The following CDH12 variants were observed in gnomAD, a reference collection of about 807,000 sequenced individuals.
CDH12 encodes the protein cadherin-12.
In CDH12, 41 loss-of-function variants were observed where a neutral mutation model predicts 74.1. The ratio of observed to expected loss-of-function variants is 0.55; its 90% CI spans 0.43 to 0.72. The LOEUF is 0.72. Among genes scored for constraint, CDH12 ranks in the 30% least tolerant of loss-of-function variants. CDH12 has a pLI of 0.00. For synonymous variants in CDH12, 399 were observed against 355.0 expected (o/e 1.12, Z -1.39); for missense variants, 945 against 977.2 (o/e 0.97, Z 0.44).
At chr5:22,024,669 T>C (rs1023681534) in intron 5 of CDH12, among the ~76,000 whole-genome samples, 1 of 152,094 alleles carries the variant, frequency 6.6e-6, no homozygotes, top group Admixed American at 6.6e-5. Flanking sequence ...CATGCTACCA[T>C]GCCTGGCTAA....
intron 2 of CDH12, among the ~76,000 whole-genome samples, chr5:22,444,539 G>GT (rs35321671): frequency 0.44 from 63,448 of 142,990 alleles, 14,054 homozygotes; most frequent in Admixed American, 0.61. Context: ...TTTTTTAACA[G>GT]TTTTTTTTTT....
At chr5:22,826,473 G>T (rs1445968845) in intron 1 of CDH12, among the ~76,000 whole-genome samples, 1 of 152,180 alleles carries the variant, frequency 6.6e-6, no homozygotes, top group East Asian at 1.9e-4. Flanking sequence ...CAAAAATGTG[G>T]AAGCGACTTT....
At chr5:22,160,137 A>G (rs12657128) in intron 4 of CDH12, among the ~76,000 whole-genome samples, 60,344 of 152,014 alleles carry the variant, frequency 0.4, 12,114 homozygotes, top group Middle Eastern at 0.51. Context: ...AAGACTCTTC[A>G]GTTCAATAGG....
At chr5:22,789,376 G>A (rs1167413541) in intron 1 of CDH12, among the ~76,000 whole-genome samples, 1 of 152,058 alleles carries the variant, frequency 6.6e-6, no homozygotes, top group Non-Finnish European at 1.5e-5. Context: ...TATAGAGTAT[G>A]ATATAATTGC....
intron 3 of CDH12, among the ~76,000 whole-genome samples, chr5:22,220,037 A>T (rs555918697): frequency 2.0e-4 from 31 of 151,910 alleles, no homozygotes; most frequent in Non-Finnish European, 3.7e-4. Flanking sequence ...AATGTATATC[A>T]CCATTGTCTA....
At chr5:22,540,230 T>A (rs1315785822) in intron 1 of CDH12, among the ~76,000 whole-genome samples, 1 of 152,090 alleles carries the variant, frequency 6.6e-6, no homozygotes, top group Non-Finnish European at 1.5e-5. Flanking sequence ...CATATATATA[T>A]GCATATTTAT....
chr5:22,518,787 T>TGG (rs2126681997), intron 1 of CDH12, among the ~76,000 whole-genome samples: 1 of 152,242 alleles, frequency 6.6e-6, no homozygotes, highest in Admixed American at 6.5e-5. Flanking sequence ...AGGAGTGCCT[T>TGG]TGGTAAACAC....
At chr5:22,367,495 G>C (rs986045454) in intron 3 of CDH12, among the ~76,000 whole-genome samples, 4 of 152,080 alleles carry the variant, frequency 2.6e-5, no homozygotes, top group Non-Finnish European at 4.4e-5. Context: ...AATTGGATTT[G>C]TGTTATTTGG....
At chr5:22,384,418 C>A (rs981679919) in intron 3 of CDH12, among the ~76,000 whole-genome samples, 1 of 144,950 alleles carries the variant, frequency 6.9e-6, no homozygotes, top group Non-Finnish European at 1.5e-5. Flanking sequence ...CCCAGCTACT[C>A]GGGAGGCTGA....
rs2150394129 is a variant in CDH12, at chr5:22,261,708, T to C, written c.-332-49065A>G. 2.0e-5 allele frequency among the ~76,000 whole-genome samples: 3 copies of C among 152,070 alleles called. No individual in the cohort carries two copies. The Middle Eastern group carries it at 0.01, about 517-fold the overall frequency. ...AAACATCATTTGGCTGATACTTATT[T>C]TCAAGATATTTAGTTGTTTTTAAAT... is the stretch of plus-strand genomic sequence containing the variant. On this transcript the variant is annotated intron_variant, in intron 3 of 14. Coordinates refer to ENST00000382254, the MANE Select transcript of CDH12 (RefSeq NM_004061.5).
chr5:21,919,952 GA>G (rs1381909782), intron 6 of CDH12, among the ~76,000 whole-genome samples: 1 of 151,952 alleles, frequency 6.6e-6, no homozygotes, highest in Non-Finnish European at 1.5e-5. Context: ...ATAATATTAA[GA>G]AAAATATCTT....
At chr5:22,557,557 A>G (rs1460106681) in intron 1 of CDH12, among the ~76,000 whole-genome samples, 1 of 152,092 alleles carries the variant, frequency 6.6e-6, no homozygotes, top group Non-Finnish European at 1.5e-5. Context: ...GAAGAATACG[A>G]ACGTAATATA....
chr5:22,020,133 T>A (rs552304686), intron 5 of CDH12, among the ~76,000 whole-genome samples: 83 of 152,328 alleles, frequency 5.4e-4, no homozygotes, highest in African/African-American at 1.9e-3. Flanking sequence ...ATGCTAATTA[T>A]CATAACACTA....
intron 1 of CDH12, among the ~76,000 whole-genome samples, chr5:22,714,947 C>T (rs1047964722): frequency 3.3e-5 from 5 of 152,154 alleles, no homozygotes; most frequent in African/African-American, 9.7e-5. Context: ...CGCAGAACGT[C>T]TTTCCCAGGC....
chr5:22,804,221 A>G (rs1339771807), intron 1 of CDH12, among the ~76,000 whole-genome samples: 1 of 152,230 alleles, frequency 6.6e-6, no homozygotes, highest in African/African-American at 2.4e-5. Context: ...ACAAGGAAAT[A>G]TAATATGATT....
At position 22,838,220 on chromosome 5, in the gene CDH12, T is replaced by TCTAC. The variant is rs548052817; in HGVS notation, c.-523+14837_-523+14838insGTAG. Among the ~76,000 whole-genome samples, 3 of 152,230 alleles carry TCTAC rather than the reference T, an allele frequency of 2.0e-5. 1 individual carries two copies. The South Asian group carries it at 6.2e-4, about 32-fold the overall frequency. On this transcript the variant is annotated intron_variant, in intron 1 of 14. Transcript: ENST00000382254. Reference sequence around the variant, plus strand: ...TTCCTTGGCTGTAGACCCGTAGAAGTAGTTGTTCAAAGGGGGCAACAGCTT... The same window carrying TCTAC: ...TTCCTTGGCTGTAGACCCGTAGAAGTCTACAGTTGTTCAAAGGGGGCAACAGCTT...
Position 21,775,822 on chromosome 5 carries a change from G to C in CDH12, c.1393+7536C>G, listed in dbSNP as rs1246811831. Among the ~76,000 whole-genome samples the C allele has an allele frequency of 1.3e-5, 2 of 151,740 alleles. 1 individual carries two copies. ...TTAGCCAGATTGTTGCATTTCTCTT[G>C]ACATTTTCAGTGCCTAGAGGCCAAC... On this transcript the variant is annotated intron_variant, in intron 11 of 14. Coordinates refer to ENST00000382254, the MANE Select transcript of CDH12 (RefSeq NM_004061.5).
chr5:22,567,597 T>C (rs1460969429), intron 1 of CDH12, among the ~76,000 whole-genome samples: 1 of 151,940 alleles, frequency 6.6e-6, no homozygotes, highest in African/African-American at 2.4e-5. Flanking sequence ...AAGACAATAA[T>C]TTTTTTCTGC....
At chr5:21,987,431 T>C (rs1458212125) in intron 5 of CDH12, among the ~76,000 whole-genome samples, 1 of 152,220 alleles carries the variant, frequency 6.6e-6, no homozygotes, top group East Asian at 1.9e-4. Context: ...TATTGTTAGC[T>C]GTATGTCTCA....
Sources: allele counts gnomAD v4.1 joint callset (sites outside exome capture counted in the v4.1 genomes callset), GRCh38; gene constraint gnomAD v4.1.1; transcripts MANE v1.5; gene names NCBI Gene and HGNC (gene_info 2026-07-23, HGNC 2026-07-21).